The following PCDHGA1 variants were observed in gnomAD, a reference collection of about 807,000 sequenced individuals.
PCDHGA1 encodes the protein protocadherin gamma subfamily A, 1.
A neutral mutation model predicts 58.0 loss-of-function variants in PCDHGA1; 32 were observed. That is an observed-to-expected ratio of 0.55 (90% CI 0.42 to 0.74). The LOEUF (loss-of-function observed/expected upper bound fraction) is 0.74. Among genes scored for constraint, PCDHGA1 ranks in the 30% least tolerant of loss-of-function variants. PCDHGA1 has a pLI of 0.00. For synonymous variants in PCDHGA1, 498 were observed against 501.1 expected, an observed-to-expected ratio of 0.99 and a Z score of 0.08; for missense variants, 1,205 against 1,182.3, an observed-to-expected ratio of 1.02 and a Z score of -0.28.
intron 1 of PCDHGA1, among the ~76,000 whole-genome samples, chr5:141,437,310 C>T (rs1226274834): frequency 6.6e-6 from 1 of 152,166 alleles, no homozygotes; most frequent in Non-Finnish European, 1.5e-5. Flanking sequence ...TTAAAGCGTT[C>T]AGCTATAATT....
intron 1 of PCDHGA1, chr5:141,338,705 A>T: frequency 1.6e-6 from 1 of 608,480 alleles, no homozygotes; most frequent in Non-Finnish European, 2.3e-6. Context: ...GAAATTATTT[A>T]GGCCTCTGAG....
chr5:141,441,887 A>G, intron 1 of PCDHGA1: 1 of 344,596 alleles, frequency 2.9e-6, no homozygotes, highest in African/African-American at 2.2e-5. Context: ...CTGGTCACCA[A>G]GGTGGTGGCT....
chr5:141,371,726 T>C (rs769173416), intron 1 of PCDHGA1: 1 of 1,614,050 alleles, frequency 6.2e-7, no homozygotes, highest in Non-Finnish European at 8.5e-7. Flanking sequence ...ACATCCTTGA[T>C]GTCAACGACA....
chr5:141,410,349 G>A, intron 1 of PCDHGA1: 1 of 1,613,994 alleles, frequency 6.2e-7, no homozygotes, highest in Non-Finnish European at 8.5e-7. Flanking sequence ...TTGCGCCTGC[G>A]ACGCTCTCTC....
intron 1 of PCDHGA1, chr5:141,375,550 C>T (rs770616547): frequency 2.5e-6 from 4 of 1,614,066 alleles, no homozygotes; most frequent in Middle Eastern, 1.6e-4. Context: ...AAGTCTCCTA[C>T]TCACTGGCAG....
intron 1 of PCDHGA1, chr5:141,376,346 C>T (rs1772586691): frequency 2.5e-6 from 4 of 1,614,194 alleles, no homozygotes; most frequent in East Asian, 4.5e-5. Context: ...GACCTATTCC[C>T]ACGAGGTCTC....
chr5:141,424,966 T>G (rs913951031), intron 1 of PCDHGA1, among the ~76,000 whole-genome samples: 17 of 152,174 alleles, frequency 1.1e-4, no homozygotes, highest in African/African-American at 3.9e-4. Flanking sequence ...TTGCCCCAAA[T>G]TACTTGGATA....
At position 141,409,164 on chromosome 5, in the gene PCDHGA1, C is replaced by T. The variant is rs115772303; in HGVS notation, c.2421+76059C>T. ...GAAAGGTACACCATGGAAGTGGAAG[C>T]GAAGGACGGAGGTGGTCTCTCTACC... On this transcript the variant is annotated intron_variant, in intron 1 of 3. Transcript: ENST00000517417. 2.0e-3 allele frequency: 3,227 copies of T among 1,613,908 alleles called. 51 individuals are homozygous for T. In the African/African-American group the frequency reaches 0.029, roughly 14 times the overall value.
rs775312856 is a variant in PCDHGA1, at chr5:141,485,899, C to G, written c.2422-8908C>G. 1.9e-6 allele frequency: 3 copies of G among 1,614,166 alleles called. No homozygotes were observed. Among genetic ancestry groups the G allele is most frequent in the Non-Finnish European group, 2.5e-6 (3 of 1,180,032 alleles). ...ACGTAAACGACAACGCCCCAGCCTT[C>G]CAGCAATCCAGCTACAGGATTAGTG... On this transcript the variant is annotated intron_variant, in intron 1 of 3. Transcript: ENST00000517417. The surrounding 1 kb of genome is among the most constrained non-coding windows in gnomAD (Gnocchi z 5.7).
chr5:141,440,564 A>G (rs531383065), intron 1 of PCDHGA1: 1 of 152,248 alleles, frequency 6.6e-6, no homozygotes, highest in Admixed American at 6.5e-5. Context: ...TAAGTTACGT[A>G]TCTCTGAGTT....
chr5:141,486,211 T>C lies in PCDHGA1; in HGVS notation c.2422-8596T>C, dbSNP rs779905477. On this transcript the variant is annotated intron_variant, in intron 1 of 3. Coordinates refer to ENST00000517417, the MANE Select transcript of PCDHGA1 (RefSeq NM_018912.3). The surrounding 1 kb of genome is among the most constrained non-coding windows in gnomAD (Gnocchi z 5.0). ...TGGATCTGCTGGACGTAAATGACAA[T>C]GCCCCTTACATCACAGTGACCTCAG... 6.2e-7 allele frequency: 1 copy of C among 1,614,142 alleles called. No homozygotes were observed. Among genetic ancestry groups the C allele is most frequent in the Non-Finnish European group, 8.5e-7 (1 of 1,180,024 alleles).
intron 1 of PCDHGA1, chr5:141,344,101 T>A (rs1561487104): frequency 1.2e-6 from 2 of 1,613,816 alleles, no homozygotes; most frequent in South Asian, 1.1e-5. Context: ...CTGGGGACGC[T>A]GTGCGAAACA....
In PCDHGA1 at chr5:141,432,126, C is replaced by G. The variant is rs750150518; in HGVS notation, c.2422-62681C>G. 12 of 1,614,026 alleles carry G rather than the reference C, an allele frequency of 7.4e-6. No homozygotes were observed. Among genetic ancestry groups the G allele is most frequent in the South Asian group, 4.4e-5 (4 of 91,062 alleles). On this transcript the variant is annotated intron_variant, in intron 1 of 3. Transcript: ENST00000517417. The surrounding 1 kb of genome is among the most constrained non-coding windows in gnomAD (Gnocchi z 6.0). ...AACCCGCCGGTCTTCCCTCAGGCCT[C>G]CTATTCCGCTTATATCCCAGAGAAC...
At chr5:141,505,336 G>A in intron 2 of PCDHGA1, 57 bp from the exon 3 acceptor site, 2 of 1,611,374 alleles carry the variant, frequency 1.2e-6, no homozygotes, top group South Asian at 1.1e-5. Flanking sequence ...GAGGACAGGA[G>A]GGGCATGAGC....
chr5:141,348,111 A>G (rs892929512), intron 1 of PCDHGA1, among the ~76,000 whole-genome samples: 1 of 152,254 alleles, frequency 6.6e-6, no homozygotes, highest in Non-Finnish European at 1.5e-5. Context: ...TCTGCAATTT[A>G]TGAAATTATT....
At chr5:141,364,210 C>T in intron 1 of PCDHGA1, 1 of 1,234,376 alleles carries the variant, frequency 8.1e-7, no homozygotes, top group East Asian at 2.6e-5. Flanking sequence ...AGACAAGCTC[C>T]TACGAAAAGC....
intron 1 of PCDHGA1, chr5:141,393,852 G>A (rs780721020): frequency 3.1e-6 from 5 of 1,614,004 alleles, no homozygotes; most frequent in South Asian, 1.1e-5. Flanking sequence ...TAGACCAGAA[G>A]TGATCATTAC....
intron 1 of PCDHGA1, chr5:141,340,061 A>C: frequency 6.2e-7 from 1 of 1,614,086 alleles, no homozygotes; most frequent in Non-Finnish European, 8.5e-7. Flanking sequence ...TCTTCCAGGA[A>C]CCATAATTGG....
At chr5:141,472,620 A>G (rs2099290656) in intron 1 of PCDHGA1, among the ~76,000 whole-genome samples, 1 of 152,136 alleles carries the variant, frequency 6.6e-6, no homozygotes, top group Admixed American at 6.5e-5. Context: ...AGAAGAAAAA[A>G]GATAAAGACT....
Sources: gnomAD v4.1 joint callset for allele counts (sites outside exome capture counted in the v4.1 genomes callset) on GRCh38, gnomAD v4.1.1 for gene constraint, Gnocchi (gnomAD v3.1) non-coding constraint, MANE v1.5 for transcripts, NCBI Gene and HGNC (gene_info 2026-07-23, HGNC 2026-07-21) for gene names.